The following NRXN1 variants were observed in gnomAD, a reference collection of about 807,000 sequenced individuals.
NRXN1 encodes neurexin-1.
Under a neutral mutation model 150.9 loss-of-function variants are expected in NRXN1, and 39 were observed. The observed-to-expected ratio is 0.26, with a 90% CI of 0.20 to 0.34. The LOEUF is 0.34. Ranked by LOEUF, NRXN1 falls within the 10% of genes least tolerant of loss-of-function variation. NRXN1 has a pLI of 1.00. For synonymous variants in NRXN1, 924 were observed against 757.0 expected, an observed-to-expected ratio of 1.22 and a Z score of -3.62; for missense variants, 1,815 against 1,949.9, an observed-to-expected ratio of 0.93 and a Z score of 1.30.
intron 5 of NRXN1, among the ~76,000 whole-genome samples, chr2:50,857,880 G>C (rs936514507): frequency 2.6e-5 from 4 of 151,994 alleles, no homozygotes; most frequent in African/African-American, 7.2e-5. Flanking sequence ...TATTCATTCT[G>C]CATCGGTACT....
At chr2:50,848,441 T>C (rs1341259499) in intron 5 of NRXN1, among the ~76,000 whole-genome samples, 2 of 152,122 alleles carry the variant, frequency 1.3e-5, no homozygotes, top group Non-Finnish European at 2.9e-5. Context: ...TAATGACATA[T>C]GTTAGCGGAG....
chr2:50,992,782 G>A (rs1698728552), intron 2 of NRXN1, among the ~76,000 whole-genome samples: 1 of 151,856 alleles, frequency 6.6e-6, no homozygotes, highest in African/African-American at 2.4e-5. Flanking sequence ...TGTTTCTTTA[G>A]TGATGCATGG....
At chr2:50,466,126 A>G (rs1460800123) in intron 16 of NRXN1, among the ~76,000 whole-genome samples, 1 of 151,754 alleles carries the variant, frequency 6.6e-6, no homozygotes, top group African/African-American at 2.4e-5. Flanking sequence ...AAAATTAAAA[A>G]CTCCATATAA....
intron 17 of NRXN1, among the ~76,000 whole-genome samples, chr2:50,397,070 A>G (rs1439540129): frequency 4.6e-5 from 7 of 152,020 alleles, no homozygotes; most frequent in Admixed American, 3.9e-4. Context: ...AGGTGACCCT[A>G]TGCAAGGACC....
At chr2:50,995,201 T>A (rs766204805) in intron 2 of NRXN1, among the ~76,000 whole-genome samples, 14 of 151,736 alleles carry the variant, frequency 9.2e-5, no homozygotes, top group Non-Finnish European at 1.6e-4. Context: ...ATGTTAGAGG[T>A]CATTAAGTTA....
intron 17 of NRXN1, among the ~76,000 whole-genome samples, chr2:50,339,227 T>C (rs1359762902): frequency 1.3e-5 from 2 of 152,200 alleles, no homozygotes; most frequent in Non-Finnish European, 2.9e-5. Flanking sequence ...TTTTTTTCTT[T>C]CTTTATAGTT....
chr2:50,325,407 C>T (rs908878375), intron 17 of NRXN1, among the ~76,000 whole-genome samples: 4 of 152,346 alleles, frequency 2.6e-5, no homozygotes, highest in African/African-American at 9.6e-5. Context: ...AGCTACAGGA[C>T]AGTTTTTCTA....
rs1572855809 is a variant in NRXN1 at position 49,922,127 on chromosome 2, G to A, written c.4341C>T (p.Ile1447=). The change falls in exon 23 of 23, where the codon ATC becomes ATT. Residue 1447 remains isoleucine, a synonymous_variant. Transcript: ENST00000401669. Reference sequence around the variant, plus strand: ...TGTACTTGTACATGGCATAGAGGAGGATAAGGATGCACAGGGCGGCAGCGG... The same window carrying A: ...TGTACTTGTACATGGCATAGAGGAGAATAAGGATGCACAGGGCGGCAGCGG... ...IVAAAALCIL[I]LLYAMYKYRN... The A allele has an allele frequency of 6.2e-7, 1 of 1,614,150 alleles. No individual in the cohort carries two copies.
At chr2:49,968,563 G>A (rs1052504061) in intron 21 of NRXN1, among the ~76,000 whole-genome samples, 1 of 151,968 alleles carries the variant, frequency 6.6e-6, no homozygotes, top group Non-Finnish European at 1.5e-5. Context: ...TGCCATTTTA[G>A]AAGCAGGTAT....
intron 5 of NRXN1, among the ~76,000 whole-genome samples, chr2:50,817,475 G>A (rs967604724): frequency 6.6e-6 from 1 of 151,960 alleles, no homozygotes; most frequent in Non-Finnish European, 1.5e-5. Context: ...AAATAGAAGA[G>A]AAGAGAACAT....
At chr2:50,635,354 A>G (rs1375125016) in intron 5 of NRXN1, among the ~76,000 whole-genome samples, 3 of 146,404 alleles carry the variant, frequency 2.0e-5, no homozygotes, top group Non-Finnish European at 3.0e-5. Context: ...TTTAGTAGAG[A>G]CGGGGTTTCA....
At chr2:50,861,918 A>C (rs908569707) in intron 5 of NRXN1, among the ~76,000 whole-genome samples, 1 of 151,996 alleles carries the variant, frequency 6.6e-6, no homozygotes, top group African/African-American at 2.4e-5. Context: ...AAATACTCTC[A>C]GGGCTGGGTG....
chr2:50,464,985 T>C (rs1193136480), intron 17 of NRXN1, among the ~76,000 whole-genome samples: 1 of 151,830 alleles, frequency 6.6e-6, no homozygotes, highest in Non-Finnish European at 1.5e-5. Context: ...TGTTTGAACA[T>C]ATTTTTTTAA....
Position 50,466,509 on chromosome 2 carries a change from A to T in NRXN1, c.3245-948T>A, listed in dbSNP as rs774042236. On this transcript the variant is annotated intron_variant, in intron 16 of 22. Transcript: ENST00000401669. ...GCAACTTTGTCAGCAAAATAAAAAA[A>T]AAAGCAAAATATATTAAATGTTAGT... 10 of 466,050 alleles carry T rather than the reference A, an allele frequency of 2.1e-5. 1 individual carries two copies. The highest frequency in any genetic ancestry group is 4.4e-5 in the Non-Finnish European group (10 of 226,754). The allele number at this position is 466,050 out of a possible 1,614,324, so 28.9% of individuals were successfully genotyped here.
At chr2:50,288,072 G>GA (rs1398819856) in intron 17 of NRXN1, among the ~76,000 whole-genome samples, 8 of 151,724 alleles carry the variant, frequency 5.3e-5, no homozygotes, top group South Asian at 2.1e-4. Context: ...TTATCCAGTG[G>GA]AAAAAAAACT....
chr2:50,293,643 G>T (rs1303229944), intron 17 of NRXN1, among the ~76,000 whole-genome samples: 1 of 152,158 alleles, frequency 6.6e-6, no homozygotes, highest in African/African-American at 2.4e-5. Context: ...AAGTAAAGGA[G>T]AAAGGAAGGA....
intron 18 of NRXN1, among the ~76,000 whole-genome samples, chr2:50,169,508 T>C (rs1333801476): frequency 2.0e-5 from 3 of 150,912 alleles, no homozygotes; most frequent in Admixed American, 1.3e-4. Context: ...AGGTCAGGAG[T>C]TCGAGACCAG....
chr2:50,071,555 A>C (rs1456768200), intron 19 of NRXN1, among the ~76,000 whole-genome samples: 1 of 152,218 alleles, frequency 6.6e-6, no homozygotes, highest in Non-Finnish European at 1.5e-5. Flanking sequence ...GAAGGTGGAC[A>C]TCTGCAAGCA....
intron 11 of NRXN1, among the ~76,000 whole-genome samples, chr2:50,530,079 T>C (rs969767600): frequency 6.6e-6 from 1 of 152,162 alleles, no homozygotes; most frequent in Admixed American, 6.5e-5. Context: ...AATTTCATTT[T>C]TCCCTCTCTG....
Sources: gnomAD v4.1 joint callset for allele counts (sites outside exome capture counted in the v4.1 genomes callset) on GRCh38, gnomAD v4.1.1 for gene constraint, MANE v1.5 for transcripts, NCBI Gene and HGNC (gene_info 2026-07-23, HGNC 2026-07-21) for gene names.